Variants in PRKDC observed in about 807,000 individuals in gnomAD.
The protein encoded by PRKDC is protein kinase, DNA-activated, catalytic subunit, also known as DNA-dependent protein kinase catalytic subunit.
A neutral mutation model predicts 486.9 loss-of-function variants in PRKDC; 82 were observed. The observed-to-expected ratio is 0.17, with a 90% CI of 0.14 to 0.20. The LOEUF (loss-of-function observed/expected upper bound fraction) is 0.20, where lower values mean the gene tolerates loss of function less well. PRKDC is among the 10% of genes least tolerant of loss of function. The probability of loss-of-function intolerance (pLI) is 1.00; values close to 1 mark genes in which losing one functional copy is unlikely to be tolerated. For synonymous variants in PRKDC, 1,895 were observed against 1,837.0 expected, an observed-to-expected ratio of 1.03 and a Z score of -0.81; for missense variants, 4,504 against 5,038.2, an observed-to-expected ratio of 0.89 and a Z score of 3.21.
At chr8:47,922,467 G>A (rs1004307451) in intron 21 of PRKDC, among the ~76,000 whole-genome samples, 12 of 105,890 alleles carry the variant, frequency 1.1e-4, no homozygotes, top group African/African-American at 7.3e-4. Flanking sequence ...GCGATATTTC[G>A]TCTCAAAAAA....
chr8:47,849,525 C>A, intron 52 of PRKDC, 22 bp from the exon 53 acceptor site: 1 of 1,607,508 alleles, frequency 6.2e-7, no homozygotes, highest in South Asian at 1.1e-5. Context: ...AGTTTATTTT[C>A]AAATACACAA....
intron 11 of PRKDC, among the ~76,000 whole-genome samples, chr8:47,938,793 C>T (rs1052353883): frequency 1.7e-4 from 26 of 152,156 alleles, no homozygotes; most frequent in African/African-American, 6.3e-4. Flanking sequence ...AACCCCTGAC[C>T]TCAGGCAATC....
chr8:47,850,793 C>T lies in PRKDC; in HGVS notation c.7006-1290G>A, dbSNP rs555297756. Among the ~76,000 whole-genome samples the T allele has an allele frequency of 1.6e-4, 24 of 152,250 alleles. No individual in the cohort carries two copies. The East Asian group carries it at 2.9e-3, about 18-fold the overall frequency. On this transcript the variant is annotated intron_variant, in intron 52 of 85. Coordinates refer to ENST00000314191, the MANE Select transcript of PRKDC (RefSeq NM_006904.7). ...TGAGGGACATTGCGTGGGAAGAGTGCGAGCCTCTCTTACTGACTTCTTTTT... is the reference window on the plus strand; with the variant it reads ...TGAGGGACATTGCGTGGGAAGAGTGTGAGCCTCTCTTACTGACTTCTTTTT...
At chr8:47,781,087 G>GAA (rs1178368014) in intron 80 of PRKDC, among the ~76,000 whole-genome samples, 1 of 152,208 alleles carries the variant, frequency 6.6e-6, no homozygotes, top group Non-Finnish European at 1.5e-5. Context: ...TGGTACCTAT[G>GAA]TTAATCCTGT....
rs753697280 is a variant in PRKDC, at chr8:47,820,730, T to C, written c.9325A>G (p.Ser3109Gly). ...AKYYIQNGIQSFMQNYSSIDV... is the reference protein window; with the variant it reads ...AKYYIQNGIQGFMQNYSSIDV... ...ATATATAGTATTACCTGCATAAAAC[T>C]CTGAATGCCATTTTGAATGTAATAT... The change falls in exon 66 of 86, where the codon AGT becomes GGT. Residue 3109 changes from serine (S) to glycine (G), a missense_variant. Coordinates refer to ENST00000314191, the MANE Select transcript of PRKDC (RefSeq NM_006904.7). 3 of 1,543,988 alleles carry C rather than the reference T, an allele frequency of 1.9e-6. No individual in the cohort carries two copies. The highest frequency in any genetic ancestry group is 1.9e-5 in the Admixed American group (1 of 51,504).
rs571246835 is a variant in PRKDC, at chr8:47,957,563, T to G, written c.155-132A>C. On this transcript the variant is annotated intron_variant, in intron 1 of 85. Transcript: ENST00000314191. ...TCTCGCTCTGTCGCCCAGGCTGGAG[T>G]GCAGCGGCGCGATCTCGGCTCACTG... 1.1e-3 allele frequency: 825 copies of G among 718,936 alleles called. 2 individuals are homozygous for G. The African/African-American group carries it at 0.012, about 10-fold the overall frequency. The allele number at this position is 718,936 out of a possible 1,614,324, so 44.5% of individuals were successfully genotyped here.
chr8:47,895,753 A>G (rs1188387451), intron 30 of PRKDC, among the ~76,000 whole-genome samples: 1 of 152,248 alleles, frequency 6.6e-6, no homozygotes, highest in African/African-American at 2.4e-5. Flanking sequence ...CAAACTGAAA[A>G]TGCTAGGCCA....
intron 10 of PRKDC, 58 bp downstream of exon 10, chr8:47,943,151 G>A: frequency 1.3e-6 from 2 of 1,554,336 alleles, no homozygotes; most frequent in Non-Finnish European, 1.8e-6. Flanking sequence ...GCATGCAAAG[G>A]GAATTTAATT....
In PRKDC at chr8:47,855,274, T is replaced by C; in HGVS notation, c.6709A>G (p.Ile2237Val). The change falls in exon 50 of 86, where the codon ATT (isoleucine) becomes GTT (valine). Residue 2237 changes from isoleucine (I) to valine (V), a missense_variant. Transcript: ENST00000314191. ...CAGCACTCGACAAGGGTCTTTATAA[T>C]TTCAAGGTTGTGTCTAAACACAGCT... The part of the protein sequence containing the change: ...KRAVFRHNLE[I>V]IKTLVECWKD... The C allele has an allele frequency of 1.2e-6, 2 of 1,604,480 alleles. No homozygotes were observed. The highest frequency in any genetic ancestry group is 1.7e-6 in the Non-Finnish European group (2 of 1,174,912).
Position 47,939,707 on chromosome 8 carries a change from CATA to C in PRKDC, c.967-13_967-11del. 6.4e-7 allele frequency: 1 copy of C among 1,562,174 alleles called. No individual in the cohort carries two copies. Among genetic ancestry groups the C allele is most frequent in the Non-Finnish European group, 8.7e-7 (1 of 1,152,598 alleles). ...CCACCATATTAGAAACCTGCAAATACATAATATTTATTTTTTTGGAAATATTTA... is the reference window on the plus strand; with the variant it reads ...CCACCATATTAGAAACCTGCAAATACATATTTATTTTTTTGGAAATATTTA... On this transcript the variant is annotated splice_polypyrimidine_tract_variant and intron_variant, in intron 10 of 85. Coordinates refer to ENST00000314191, the MANE Select transcript of PRKDC (RefSeq NM_006904.7).
Position 47,777,714 on chromosome 8 carries a change from A to G in PRKDC, c.12014T>C (p.Phe4005Ser). 1 of 1,592,612 alleles carries G rather than the reference A, an allele frequency of 6.3e-7. No individual in the cohort carries two copies. Among genetic ancestry groups the G allele is most frequent in the Non-Finnish European group, 8.6e-7 (1 of 1,165,252 alleles). ...CCAATCAAAGGAGGGCTCCTTGACA[A>G]ACACATCCATGGTGTTGGTGAGCAG... ...PGLLTNTMDV[F>S]VKEPSFDWKN... is the part of the protein sequence containing the mutation. The change falls in exon 84 of 86, where the codon TTT becomes TCT. Residue 4005 changes from phenylalanine to serine, a missense_variant. This residue lies in a region of PRKDC where 706 missense variants were observed against 945.0 expected (regional missense o/e 0.75). Coordinates refer to ENST00000314191, the MANE Select transcript of PRKDC (RefSeq NM_006904.7).
chr8:47,838,744 T>A (rs1467282920), intron 56 of PRKDC, among the ~76,000 whole-genome samples: 3 of 152,244 alleles, frequency 2.0e-5, no homozygotes, highest in Admixed American at 2.0e-4. Context: ...CTTTCATATA[T>A]AACTAATATT....
At chr8:47,828,381 T>A in intron 61 of PRKDC, 34 bp from the exon 62 acceptor site, 1 of 1,513,702 alleles carries the variant, frequency 6.6e-7, no homozygotes, top group Admixed American at 2.2e-5. Flanking sequence ...CAAATTAGGA[T>A]CTGAAGCAAA....
At chr8:47,789,834 G>A (rs908867684) in intron 74 of PRKDC, among the ~76,000 whole-genome samples, 2 of 151,902 alleles carry the variant, frequency 1.3e-5, no homozygotes, top group East Asian at 1.9e-4. Flanking sequence ...TCATTTTAAC[G>A]GATGTTGAAA....
Position 47,837,235 on chromosome 8 carries a change from G to A in PRKDC, c.7738C>T (p.Pro2580Ser). The part of the protein sequence containing the change: ...PDYPNPMFEH[P>S]LSECEFQEYT... ...ACCTGAAATTCGCATTCTGACAGAG[G>A]ATGCTCGAACATGGGGTTTGGATAA... The change falls in exon 57 of 86, where the codon CCT becomes TCT. Residue 2580 changes from proline to serine, a missense_variant. Pro to Ser is a moderately conservative substitution (Grantham distance 74). Transcript: ENST00000314191. 6.2e-7 allele frequency: 1 copy of A among 1,613,648 alleles called. No individual in the cohort carries two copies. Among genetic ancestry groups the A allele is most frequent in the South Asian group, 1.1e-5 (1 of 91,008 alleles).
intron 28 of PRKDC, among the ~76,000 whole-genome samples, chr8:47,900,010 T>C (rs1357920054): frequency 6.6e-6 from 1 of 152,192 alleles, no homozygotes. Context: ...ACTGACCACA[T>C]CTCAGTGGTT....
chr8:47,877,894 T>C, intron 39 of PRKDC, 43 bp from the exon 40 acceptor site: 1 of 1,369,194 alleles, frequency 7.3e-7, no homozygotes, highest in Non-Finnish European at 9.6e-7. Context: ...TGTTGGGTTT[T>C]ACTTTTGCTT....
At chr8:47,928,173 T>TA (rs1174266105) in intron 19 of PRKDC, among the ~76,000 whole-genome samples, 2 of 150,714 alleles carry the variant, frequency 1.3e-5, no homozygotes, top group Non-Finnish European at 3.0e-5. Context: ...TTTTTTTTTT[T>TA]GTAAGATAGA....
At chr8:47,827,569 C>A (rs1311409612) in intron 62 of PRKDC, among the ~76,000 whole-genome samples, 1 of 152,180 alleles carries the variant, frequency 6.6e-6, no homozygotes, top group Admixed American at 6.5e-5. Flanking sequence ...TGCATCTAGG[C>A]AAACACACCC....
Sources: allele counts gnomAD v4.1 joint callset (sites outside exome capture counted in the v4.1 genomes callset), GRCh38; gene constraint gnomAD v4.1.1; regional missense constraint gnomAD v4.1.1; transcripts MANE v1.5; gene names NCBI Gene and HGNC (gene_info 2026-07-23, HGNC 2026-07-21).